The following USP11 variants were observed in gnomAD, a reference collection of about 807,000 sequenced individuals.
The protein encoded by USP11 is ubiquitin carboxyl-terminal hydrolase 11.
A neutral mutation model predicts 72.8 loss-of-function variants in USP11; 5 were observed. The ratio of observed to expected loss-of-function variants is 0.07; its 90% CI spans 0.04 to 0.14. The LOEUF is 0.14. USP11 is among the 10% of genes least tolerant of loss of function. The probability of loss-of-function intolerance (pLI) is 1.00; values close to 1 mark genes in which losing one functional copy is unlikely to be tolerated. For synonymous variants in USP11, 368 were observed against 326.5 expected (o/e 1.13, Z -1.37); for missense variants, 480 against 794.7 (o/e 0.60, Z 4.76).
At chrX:47,233,416 T>A (rs893448193) in intron 1 of USP11, 197 bp downstream of exon 1, 67 of 1,072,272 alleles carry the variant, frequency 6.2e-5, no homozygotes, top group Non-Finnish European at 7.0e-5. Context: ...GGGCGGGGCC[T>A]GTGTGGTGCA....
rs1286093245 is a variant in USP11 at position 47,233,088 on chromosome X, GGCGGCGGCA to G, written c.53_61del (p.Ala18_Ala20del). On this transcript the variant is annotated inframe_deletion, in exon 1 of 21. Coordinates refer to ENST00000377107, the MANE Select transcript of USP11 (RefSeq NM_001371072.1). The stretch of plus-strand genomic sequence containing the variant: ...ATCCAGCTGCTGCTGCGGCGGCTGT[GGCGGCGGCA>G]GCGGCGGTGACTGAGGATAGAGAGC... The G allele has an allele frequency of 8.3e-7, 1 of 1,199,977 alleles. No homozygotes were observed. Among genetic ancestry groups the G allele is most frequent in the Non-Finnish European group, 1.1e-6 (1 of 889,780 alleles).
chrX:47,242,974 ATAAAT>A (rs2055411334), intron 12 of USP11, among the ~76,000 whole-genome samples: 1 of 111,993 alleles, frequency 8.9e-6, no homozygotes, highest in Non-Finnish European at 1.9e-5. Flanking sequence ...CATCTCAAAA[ATAAAT>A]AAAGCCGGGC....
Position 47,243,370 on chromosome X carries a change from G to A in USP11, c.1584-26G>A, listed in dbSNP as rs902636765. The A allele has an allele frequency of 5.0e-6, 6 of 1,208,779 alleles. No homozygotes were observed. The African/African-American group carries it at 1.0e-4, about 21-fold the overall frequency. ...GGGAGTCTCTGGGGGCCCTGATCAGGTGTGCCTGCTGTCCACCCCCCACAG... is the reference window on the plus strand; with the variant it reads ...GGGAGTCTCTGGGGGCCCTGATCAGATGTGCCTGCTGTCCACCCCCCACAG... On this transcript the variant is annotated intron_variant, in intron 12 of 20. Coordinates refer to ENST00000377107, the MANE Select transcript of USP11 (RefSeq NM_001371072.1).
At chrX:47,246,467 C>T (rs770476026) in intron 17 of USP11, among the ~76,000 whole-genome samples, 6 of 111,703 alleles carry the variant, frequency 5.4e-5, no homozygotes, top group Middle Eastern at 4.6e-3. Flanking sequence ...GACTAAAATA[C>T]GAAGAGAGGA....
intron 9 of USP11, among the ~76,000 whole-genome samples, 185 bp from the exon 10 acceptor site, chrX:47,241,897 G>A (rs762087039): frequency 1.8e-5 from 2 of 111,698 alleles, no homozygotes; most frequent in African/African-American, 3.2e-5. Context: ...AAACCCCAGC[G>A]CAGTCTCCTG....
At chrX:47,236,021 C>G (rs769874182) in intron 1 of USP11, among the ~76,000 whole-genome samples, 1 of 111,780 alleles carries the variant, frequency 8.9e-6, no homozygotes, top group African/African-American at 3.3e-5. Flanking sequence ...TAAAATTACC[C>G]CACCAGTACT....
At position 47,243,405 on chromosome X, in the gene USP11, G is replaced by A; in HGVS notation, c.1593G>A (p.Val531=). The A allele has an allele frequency of 8.2e-7, 1 of 1,212,336 alleles. No homozygotes were observed. Among genetic ancestry groups the A allele is most frequent in the Non-Finnish European group, 1.1e-6 (1 of 895,627 alleles). The change falls in exon 13 of 21, where the codon GTG becomes GTA. Residue 531 remains valine (V), a synonymous_variant. Coordinates refer to ENST00000377107, the MANE Select transcript of USP11 (RefSeq NM_001371072.1). ...LDRDDIFVYE[V]SGRIEAIEGS... ...TGTCCACCCCCCACAGCTATGAGGT[G>A]TCAGGTCGCATTGAGGCCATTGAGG...
chrX:47,241,497 C>T lies in USP11; in HGVS notation c.1021-44C>T, dbSNP rs750204974. On this transcript the variant is annotated intron_variant, in intron 8 of 20. Transcript: ENST00000377107. ...CCCCGACCCCCTACGTCTCTTGGCTCTCCTAACTCCCTCTCTCTCTGATGA... is the reference window on the plus strand; with the variant it reads ...CCCCGACCCCCTACGTCTCTTGGCTTTCCTAACTCCCTCTCTCTCTGATGA... 2.4e-5 allele frequency: 29 copies of T among 1,187,291 alleles called. No homozygotes were observed. The Admixed American group carries it at 5.9e-4, about 24-fold the overall frequency.
At chrX:47,246,699 A>C (rs1027813908) in intron 17 of USP11, among the ~76,000 whole-genome samples, 2 of 110,408 alleles carry the variant, frequency 1.8e-5, no homozygotes, top group South Asian at 7.7e-4. Context: ...GAGAGGCAGT[A>C]CAAAGGGCGC....
chrX:47,233,135 A>T lies in USP11; in HGVS notation c.92A>T (p.Glu31Val). 8.3e-7 allele frequency: 1 copy of T among 1,199,514 alleles called. No homozygotes were observed. Among genetic ancestry groups the T allele is most frequent in the Non-Finnish European group, 1.1e-6 (1 of 889,552 alleles). ...GAGGATAGAGAGCCACAGCACGAGGAGCTGCCAGGCCTGGACAGCCAGTGG... is the reference window on the plus strand; with the variant it reads ...GAGGATAGAGAGCCACAGCACGAGGTGCTGCCAGGCCTGGACAGCCAGTGG... ...VTEDREPQHE[E>V]LPGLDSQWRQ... Residue 31 changes from glutamate to valine, a missense_variant, in exon 1 of 21, where the codon GAG becomes GTG. This residue lies in a region of USP11 where 71 missense variants were observed against 71.4 expected (regional missense o/e 0.99). Transcript: ENST00000377107.
intron 1 of USP11, among the ~76,000 whole-genome samples, chrX:47,238,227 G>A (rs1019471647): frequency 1.0e-5 from 1 of 95,699 alleles, no homozygotes; most frequent in African/African-American, 4.0e-5. Context: ...TCACTCTGTC[G>A]CACAGGCTGG....
Position 47,247,641 on chromosome X carries a change from G to A in USP11, c.2567G>A (p.Gly856Asp), listed in dbSNP as rs1282624316. ...YTTFACNKDS[G>D]QWHYFDDNSV... is the part of the protein sequence containing the mutation. ...ACATTTGCCTGCAACAAGGACAGCG[G>A]CCAGTGGCACTACTTTGATGACAAC... Residue 856 changes from glycine (G) to aspartate (D), a missense_variant, in exon 20 of 21, where the codon GGC (glycine) becomes GAC (aspartate). Transcript: ENST00000377107. The A allele has an allele frequency of 8.3e-7, 1 of 1,211,286 alleles. No homozygotes were observed.
chrX:47,243,497 ACTC>A lies in USP11; in HGVS notation c.1688_1690del (p.Ser563del), dbSNP rs754435853. On this transcript the variant is annotated inframe_deletion, in exon 13 of 21. Transcript: ENST00000377107. ...CGCACCCCTGCCCGTGACTACAACAACTCCTACTACGGCCTGATGCTTTTTGGA... is the reference window on the plus strand; with the variant it reads ...CGCACCCCTGCCCGTGACTACAACAACTACTACGGCCTGATGCTTTTTGGA... 4 of 1,207,815 alleles carry A rather than the reference ACTC, an allele frequency of 3.3e-6. No individual in the cohort carries two copies. The highest frequency in any genetic ancestry group is 4.5e-6 in the Non-Finnish European group (4 of 894,595).
chrX:47,237,253 G>A (rs1253126769), intron 1 of USP11, among the ~76,000 whole-genome samples: 4 of 111,545 alleles, frequency 3.6e-5, no homozygotes, highest in African/African-American at 1.3e-4. Flanking sequence ...GGATGGTGGT[G>A]TGTGGGGTGC....
intron 5 of USP11, 62 bp from the exon 6 acceptor site, chrX:47,240,522 TGAA>T: frequency 2.5e-6 from 3 of 1,209,330 alleles, no homozygotes; most frequent in Non-Finnish European, 3.4e-6. Flanking sequence ...TCGGGGGAAA[TGAA>T]GGCTAGGTAC....
intron 11 of USP11, 40 bp downstream of exon 11, chrX:47,242,562 A>AG (rs756586047): frequency 2.2e-5 from 27 of 1,204,804 alleles, no homozygotes; most frequent in Non-Finnish European, 3.0e-5. Context: ...TTCCAGGGCA[A>AG]GGAGGCAGAA....
intron 13 of USP11, 130 bp from the exon 14 acceptor site, chrX:47,244,368 C>T: frequency 1.3e-6 from 1 of 764,409 alleles, no homozygotes; most frequent in Non-Finnish European, 1.9e-6. Flanking sequence ...CTTCAGCCCT[C>T]TCACACCTCA....
Position 47,243,564 on chromosome X carries a change from C to T in USP11, c.1752C>T (p.Thr584=), listed in dbSNP as rs376031086. The T allele has an allele frequency of 1.8e-5, 22 of 1,211,806 alleles. No individual in the cohort carries two copies. Among genetic ancestry groups the T allele is most frequent in the East Asian group, 5.9e-5 (2 of 33,832 alleles). The change falls in exon 13 of 21, where the codon ACC becomes ACT. Residue 584 remains threonine, a synonymous_variant. Transcript: ENST00000377107. The part of the protein sequence containing the change: ...LLVSVPRDRF[T]WEGLYNVLMY... Reference sequence around the variant, plus strand: ...TATCAGTGCCCCGGGACCGCTTCACCTGGGAGGGCCTGTATAACGTCCTGA... The same window carrying T: ...TATCAGTGCCCCGGGACCGCTTCACTTGGGAGGGCCTGTATAACGTCCTGA...
Position 47,242,425 on chromosome X carries a change from C to T in USP11, c.1405-14C>T, listed in dbSNP as rs749312045. The T allele has an allele frequency of 8.3e-7, 1 of 1,211,580 alleles. No individual in the cohort carries two copies. Reference sequence around the variant, plus strand: ...AGCCCTTTTGGTCTTTTGTGGATACCGTTTTTCCCTTAGCACCGGCTCGTG... The same window carrying T: ...AGCCCTTTTGGTCTTTTGTGGATACTGTTTTTCCCTTAGCACCGGCTCGTG... On this transcript the variant is annotated splice_polypyrimidine_tract_variant and intron_variant, in intron 10 of 20. Coordinates refer to ENST00000377107, the MANE Select transcript of USP11 (RefSeq NM_001371072.1).
Sources: gnomAD v4.1 joint callset for allele counts (sites outside exome capture counted in the v4.1 genomes callset) on GRCh38, gnomAD v4.1.1 for gene constraint, gnomAD v4.1.1 regional missense constraint, MANE v1.5 for transcripts, NCBI Gene and HGNC (gene_info 2026-07-23, HGNC 2026-07-21) for gene names.